Variants in EPHA5 observed in about 807,000 individuals in gnomAD.
The protein encoded by EPHA5 is ephrin type-A receptor 5.
In EPHA5, 60 loss-of-function variants were observed where a neutral mutation model predicts 105.0. That is an observed-to-expected ratio of 0.57 (90% CI 0.46 to 0.71). The LOEUF is 0.71. Among genes scored for constraint, EPHA5 ranks in the 30% least tolerant of loss-of-function variants. EPHA5 has a pLI of 0.00. For missense variants in EPHA5, 1,218 were observed against 1,274.7 expected, an observed-to-expected ratio of 0.96 and a Z score of 0.68; for synonymous variants, 513 against 449.1, an observed-to-expected ratio of 1.14 and a Z score of -1.80.
At chr4:65,505,019 T>C (rs1170957651) in intron 3 of EPHA5, among the ~76,000 whole-genome samples, 2 of 152,022 alleles carry the variant, frequency 1.3e-5, no homozygotes, top group African/African-American at 4.8e-5. Flanking sequence ...TAATAGTGTG[T>C]ATAAGGGTAT....
chr4:65,576,069 A>AAAAG (rs1553943486), intron 3 of EPHA5, among the ~76,000 whole-genome samples: 1 of 80,130 alleles, frequency 1.2e-5, no homozygotes, highest in African/African-American at 4.7e-5. Flanking sequence ...AAAAGAAAAG[A>AAAAG]AAAGAAAAGA....
chr4:65,516,750 T>C (rs376441301), intron 3 of EPHA5, among the ~76,000 whole-genome samples: 17 of 152,276 alleles, frequency 1.1e-4, no homozygotes, highest in African/African-American at 3.8e-4. Flanking sequence ...TTGCCTTTTA[T>C]TTCTCTTTCT....
At chr4:65,509,213 A>G (rs576615976) in intron 3 of EPHA5, among the ~76,000 whole-genome samples, 1 of 152,158 alleles carries the variant, frequency 6.6e-6, no homozygotes, top group African/African-American at 2.4e-5. Context: ...TTCACGCTCA[A>G]AATAACTTGG....
chr4:65,329,861 T>A (rs1464795863), intron 16 of EPHA5, among the ~76,000 whole-genome samples: 4 of 150,814 alleles, frequency 2.7e-5, no homozygotes, highest in East Asian at 2.0e-4. Flanking sequence ...GATGAACTTT[T>A]AAAAAAATTT....
chr4:65,653,926 G>A (rs928993794), intron 1 of EPHA5, among the ~76,000 whole-genome samples: 3 of 151,856 alleles, frequency 2.0e-5, no homozygotes, highest in African/African-American at 4.8e-5. Context: ...AATGATAATC[G>A]TGCTGCTGTT....
chr4:65,352,301 C>G (rs1180315619), intron 12 of EPHA5, among the ~76,000 whole-genome samples: 1 of 151,938 alleles, frequency 6.6e-6, no homozygotes, highest in Admixed American at 6.6e-5. Flanking sequence ...GCATAGGTCC[C>G]TCTTACAATT....
chr4:65,348,793 G>GTA (rs1553896810), intron 13 of EPHA5, among the ~76,000 whole-genome samples: 449 of 42,820 alleles, frequency 0.01, 21 homozygotes, highest in African/African-American at 0.044. Context: ...GTGTGTGTGT[G>GTA]TATATATATA....
intron 3 of EPHA5, among the ~76,000 whole-genome samples, chr4:65,578,110 T>C (rs1459623817): frequency 6.6e-6 from 1 of 152,146 alleles, no homozygotes; most frequent in East Asian, 1.9e-4. Flanking sequence ...CAACATCTAA[T>C]CTATCTCTAT....
chr4:65,364,240 C>A (rs537274133), intron 11 of EPHA5, among the ~76,000 whole-genome samples: 1 of 151,474 alleles, frequency 6.6e-6, no homozygotes, highest in Admixed American at 6.6e-5. Flanking sequence ...ATATGGATTT[C>A]GGTAACTTAT....
At chr4:65,529,783 A>G (rs1017199868) in intron 3 of EPHA5, among the ~76,000 whole-genome samples, 4 of 152,278 alleles carry the variant, frequency 2.6e-5, no homozygotes, top group Admixed American at 1.3e-4. Flanking sequence ...AATACATTAA[A>G]TTGGTATGAT....
At chr4:65,324,846 G>A (rs1719926294) in intron 16 of EPHA5, among the ~76,000 whole-genome samples, 1 of 145,568 alleles carries the variant, frequency 6.9e-6, no homozygotes, top group Admixed American at 7.0e-5. Context: ...AATATTACAT[G>A]CTTTCAGAAC....
chr4:65,338,054 A>G (rs559969817), intron 14 of EPHA5, among the ~76,000 whole-genome samples: 1 of 152,200 alleles, frequency 6.6e-6, no homozygotes, highest in South Asian at 2.1e-4. Context: ...ATTAAAATTT[A>G]TACATATTGA....
chr4:65,522,296 A>G (rs1279634232), intron 3 of EPHA5, among the ~76,000 whole-genome samples: 8 of 131,278 alleles, frequency 6.1e-5, no homozygotes, highest in Non-Finnish European at 1.3e-4. Flanking sequence ...CTTTAGAAAT[A>G]TGTGTGTGTA....
chr4:65,667,352 A>G (rs1453370330), intron 1 of EPHA5, among the ~76,000 whole-genome samples: 2 of 152,226 alleles, frequency 1.3e-5, no homozygotes, highest in Non-Finnish European at 2.9e-5. Flanking sequence ...GATGAATTAG[A>G]TAATGACATA....
At chr4:65,346,081 TCTC>T (rs1223520789) in intron 14 of EPHA5, among the ~76,000 whole-genome samples, 20 of 68,276 alleles carry the variant, frequency 2.9e-4, no homozygotes, top group Non-Finnish European at 4.7e-4. Context: ...TTCTTTTCTC[TCTC>T]TTTTTTTTTT....
At chr4:65,388,059 C>G (rs1357179306) in intron 8 of EPHA5, among the ~76,000 whole-genome samples, 1 of 147,456 alleles carries the variant, frequency 6.8e-6, no homozygotes, top group Non-Finnish European at 1.5e-5. Context: ...TGAGTGAGAG[C>G]ATGAGGTGTT....
At chr4:65,504,034 C>T in intron 3 of EPHA5, among the ~76,000 whole-genome samples, 1 of 150,390 alleles carries the variant, frequency 6.6e-6, no homozygotes, top group East Asian at 2.0e-4. Flanking sequence ...AGTGTGTGTA[C>T]ATATAAATAA....
chr4:65,461,538 A>C (rs1489756501), intron 5 of EPHA5, among the ~76,000 whole-genome samples: 2 of 152,012 alleles, frequency 1.3e-5, no homozygotes, highest in African/African-American at 4.8e-5. Context: ...TTTAGAAAGT[A>C]TTTATTTTAC....
At chr4:65,657,869 T>G (rs1749205533) in intron 1 of EPHA5, among the ~76,000 whole-genome samples, 1 of 147,206 alleles carries the variant, frequency 6.8e-6, no homozygotes, top group Admixed American at 6.9e-5. Flanking sequence ...ACAGGCAAGC[T>G]TTCTTCATAT....
Sources: gnomAD v4.1 joint callset for allele counts (sites outside exome capture counted in the v4.1 genomes callset) on GRCh38, gnomAD v4.1.1 for gene constraint, MANE v1.5 for transcripts, NCBI Gene and HGNC (gene_info 2026-07-23, HGNC 2026-07-21) for gene names.